The following IFT74 variants were observed in gnomAD, a reference collection of about 807,000 sequenced individuals.
The protein encoded by IFT74 is intraflagellar transport protein 74 homolog.
IFT74 carries 92 observed loss-of-function variants against 96.7 expected under a neutral mutation model. The observed-to-expected ratio is 0.95, with a 90% CI of 0.80 to 1.13. The LOEUF (loss-of-function observed/expected upper bound fraction) is 1.13. Ranked by LOEUF, IFT74 falls within the 50% of genes most tolerant of loss-of-function variation. The probability of loss-of-function intolerance (pLI) is 0.00; values close to 1 mark genes in which losing one functional copy is unlikely to be tolerated. For synonymous variants in IFT74, 223 were observed against 213.2 expected, an observed-to-expected ratio of 1.05 and a Z score of -0.40; for missense variants, 811 against 698.2, an observed-to-expected ratio of 1.16 and a Z score of -1.82.
At chr9:27,035,500 A>G (rs2131662096) in intron 13 of IFT74, among the ~76,000 whole-genome samples, 1 of 152,370 alleles carries the variant, frequency 6.6e-6, no homozygotes, top group South Asian at 2.1e-4. Flanking sequence ...TAGAAATGCA[A>G]ATTCTTGGGC....
At chr9:27,042,771 T>C (rs1281602463) in intron 13 of IFT74, among the ~76,000 whole-genome samples, 2 of 152,162 alleles carry the variant, frequency 1.3e-5, no homozygotes, top group African/African-American at 2.4e-5. Context: ...ACTAGGACTT[T>C]CTTGGAAACA....
At chr9:27,003,943 C>G (rs1407171164) in intron 8 of IFT74, among the ~76,000 whole-genome samples, 19 of 152,152 alleles carry the variant, frequency 1.2e-4, no homozygotes, top group Non-Finnish European at 2.6e-4. Context: ...TTCAGTATTT[C>G]TCAATGATGT....
chr9:26,948,448 A>ATTATTATTTTTTTTTTTTTTTTTTTTTTT (rs1825819541), intron 1 of IFT74, among the ~76,000 whole-genome samples: 1 of 59,162 alleles, frequency 1.7e-5, no homozygotes, highest in Non-Finnish European at 3.8e-5. Flanking sequence ...GCTTTCCATT[A>ATTATTATTTTTTTTTTTTTTTTTTTTTTT]TTTTTTTTTT....
rs35763860 is a variant in IFT74 at position 26,996,432 on chromosome 9, A to C, written c.587+6237A>C. 2.3e-3 allele frequency: 3,683 copies of C among 1,603,156 alleles called. 87 individuals carry two copies. The African/African-American group carries it at 0.044, about 19-fold the overall frequency. On this transcript the variant is annotated intron_variant, in intron 8 of 19. Coordinates refer to ENST00000380062, the MANE Select transcript of IFT74 (RefSeq NM_025103.4). Reference sequence around the variant, plus strand: ...ATTTTGAGTGGCATTCAGCCTTATGAGGTACTGTTTTGATATTGTAGCTCT... The same window carrying C: ...ATTTTGAGTGGCATTCAGCCTTATGCGGTACTGTTTTGATATTGTAGCTCT...
At chr9:27,050,046 C>CTTAT (rs148206711) in intron 16 of IFT74, among the ~76,000 whole-genome samples, 5,577 of 151,372 alleles carry the variant, frequency 0.037, 127 homozygotes, top group African/African-American at 0.058. Flanking sequence ...TAGGACTAGC[C>CTTAT]TTATTTATTT....
At position 27,018,694 on chromosome 9, in the gene IFT74, A is replaced by T; in HGVS notation, c.974+7A>T. Reference sequence around the variant, plus strand: ...TAGCCAGCATGGAAAGACAGTAAGTATCTTTATACTAGGACATTTTACATC... The same window carrying T: ...TAGCCAGCATGGAAAGACAGTAAGTTTCTTTATACTAGGACATTTTACATC... On this transcript the variant is annotated splice_region_variant and intron_variant, in intron 12 of 19. Transcript: ENST00000380062. 6.6e-7 allele frequency: 1 copy of T among 1,511,172 alleles called. No homozygotes were observed. Among genetic ancestry groups the T allele is most frequent in the Non-Finnish European group, 9.1e-7 (1 of 1,098,406 alleles). The allele number at this position is 1,511,172 out of a possible 1,614,324, so 93.6% of individuals were successfully genotyped here.
At chr9:27,010,750 G>A (rs1482985725) in intron 9 of IFT74, among the ~76,000 whole-genome samples, 1 of 151,980 alleles carries the variant, frequency 6.6e-6, no homozygotes, top group Non-Finnish European at 1.5e-5. Context: ...TTACAGGCGT[G>A]AGCCACTGTG....
intron 13 of IFT74, among the ~76,000 whole-genome samples, chr9:27,033,877 T>C (rs775504319): frequency 2.0e-5 from 3 of 152,196 alleles, no homozygotes; most frequent in Non-Finnish European, 4.4e-5. Context: ...CCAAAAGCAG[T>C]ATGTGAAGGT....
intron 1 of IFT74, among the ~76,000 whole-genome samples, chr9:26,957,667 C>A (rs1427930397): frequency 6.6e-6 from 1 of 152,156 alleles, no homozygotes; most frequent in Non-Finnish European, 1.5e-5. Context: ...TATAAAGATG[C>A]ATGACTGTAG....
intron 8 of IFT74, chr9:26,999,468 G>T: frequency 2.2e-6 from 1 of 450,564 alleles, no homozygotes; most frequent in Non-Finnish European, 3.7e-6. Context: ...TTGTCAAATT[G>T]GAATTTGGAT....
intron 2 of IFT74, among the ~76,000 whole-genome samples, chr9:26,975,266 C>A (rs893388458): frequency 6.6e-6 from 1 of 152,060 alleles, no homozygotes; most frequent in African/African-American, 2.4e-5. Context: ...TGGTTTCTGG[C>A]TTGTTCCCTC....
chr9:27,019,078 C>A (rs992497149), intron 12 of IFT74, among the ~76,000 whole-genome samples: 1 of 152,030 alleles, frequency 6.6e-6, no homozygotes, highest in Non-Finnish European at 1.5e-5. Context: ...CTCAAACCTC[C>A]CAAGTAGCCA....
chr9:27,058,076 T>A (rs1587429310), intron 18 of IFT74, among the ~76,000 whole-genome samples: 1 of 152,088 alleles, frequency 6.6e-6, no homozygotes, highest in African/African-American at 2.4e-5. Flanking sequence ...AACATTTTCT[T>A]AACTTTTTTC....
chr9:27,031,746 TAAAA>T (rs1168206880), intron 13 of IFT74, among the ~76,000 whole-genome samples: 28 of 139,886 alleles, frequency 2.0e-4, no homozygotes, highest in Non-Finnish European at 2.8e-4. Context: ...TAAAATAAAA[TAAAA>T]TAAAATAAAA....
At position 26,978,170 on chromosome 9, in the gene IFT74, A is replaced by G. The variant is rs62542664; in HGVS notation, c.163A>G (p.Ile55Val). ...AAGACCAGGTTCTCGTGGTTGTCCC[A>G]TAGGGACTGGTGGAGTTCTGTCTTC... is the stretch of plus-strand genomic sequence containing the variant. ...TARPGSRGCP[I>V]GTGGVLSSQI... The change falls in exon 3 of 20, where the codon ATA becomes GTA. Residue 55 changes from isoleucine (I) to valine (V), a missense_variant. By Grantham distance (29) the Ile-to-Val change is conservative. Transcript: ENST00000380062. 6.2e-7 allele frequency: 1 copy of G among 1,612,712 alleles called. No individual in the cohort carries two copies. The highest frequency in any genetic ancestry group is 1.7e-5 in the Admixed American group (1 of 59,422).
At chr9:27,043,426 A>T (rs1461536264) in intron 13 of IFT74, among the ~76,000 whole-genome samples, 1 of 152,188 alleles carries the variant, frequency 6.6e-6, no homozygotes, top group African/African-American at 2.4e-5. Context: ...ATGGAGGTTC[A>T]TGTCTCTGTC....
At chr9:27,044,852 A>G in intron 14 of IFT74, 57 bp downstream of exon 14, 1 of 1,034,082 alleles carries the variant, frequency 9.7e-7, no homozygotes, top group South Asian at 1.7e-5. Flanking sequence ...CTGTTCATTT[A>G]TACCAAATCA....
At chr9:27,007,089 G>A (rs774739140) in intron 8 of IFT74, among the ~76,000 whole-genome samples, 15 of 151,704 alleles carry the variant, frequency 9.9e-5, no homozygotes, top group African/African-American at 2.4e-4. Context: ...TGCCCGCCTC[G>A]GCCTCCTAAA....
At chr9:26,990,930 T>C (rs1370008864) in intron 8 of IFT74, among the ~76,000 whole-genome samples, 1 of 152,184 alleles carries the variant, frequency 6.6e-6, no homozygotes, top group Non-Finnish European at 1.5e-5. Context: ...CCAACACAAA[T>C]TTTATTCCTG....
Sources: gnomAD v4.1 joint callset for allele counts (sites outside exome capture counted in the v4.1 genomes callset) on GRCh38, gnomAD v4.1.1 for gene constraint, MANE v1.5 for transcripts, NCBI Gene and HGNC (gene_info 2026-07-23, HGNC 2026-07-21) for gene names.